Variants in ACOX3 observed in about 807,000 individuals in gnomAD.
ACOX3 encodes the protein acyl-CoA oxidase 3, pristanoyl.
A neutral mutation model predicts 81.5 loss-of-function variants in ACOX3; 73 were observed. The ratio of observed to expected loss-of-function variants is 0.90; its 90% CI spans 0.74 to 1.09. The LOEUF is 1.09. Among genes scored for constraint, ACOX3 ranks in the 50% least tolerant of loss-of-function variants. ACOX3 has a pLI of 0.00. For missense variants in ACOX3, 947 were observed against 928.0 expected, an observed-to-expected ratio of 1.02 and a Z score of -0.27; for synonymous variants, 387 against 375.1, an observed-to-expected ratio of 1.03 and a Z score of -0.37.
In ACOX3 at chr4:8,430,764, G is replaced by A. The variant is rs768843744; in HGVS notation, c.-15+9884C>T. Among the ~76,000 whole-genome samples the A allele has an allele frequency of 3.9e-5, 6 of 152,224 alleles. No individual in the cohort carries two copies. The highest frequency in any genetic ancestry group is 5.9e-5 in the Non-Finnish European group (4 of 68,044). ...CCAGCTACTTGGGAGGCTGAGGCAA[G>A]AGAATCGCCTGAACGCAGGAGGTAG... On this transcript the variant is annotated intron_variant, in intron 1 of 17. Transcript: ENST00000356406. This position sits in a 1 kb window ranked among gnomAD's most constrained non-coding sequence, Gnocchi z 5.2.
At chr4:8,364,876 G>A (rs545876133), downstream of ACOX3, among the ~76,000 whole-genome samples, 1 of 152,326 alleles carries the variant, frequency 6.6e-6, no homozygotes, top group South Asian at 2.1e-4. The surrounding 1 kb of genome is among the most constrained non-coding windows in gnomAD (Gnocchi z 5.0). Flanking sequence ...TGGGAGACAA[G>A]GACAGCTGGG....
At position 8,423,427 on chromosome 4, in the gene ACOX3, C is replaced by G. The variant is rs943472432; in HGVS notation, c.-14-6892G>C. Among the ~76,000 whole-genome samples the G allele has an allele frequency of 2.0e-5, 3 of 152,272 alleles. No homozygotes were observed. In the East Asian group the frequency reaches 5.8e-4, roughly 29 times the overall value. Reference sequence around the variant, plus strand: ...GAATGCCCGTCCCGTTCAAGTTAAACTAAAGGATTCCGCCTCCTTTCCCCA... The same window carrying G: ...GAATGCCCGTCCCGTTCAAGTTAAAGTAAAGGATTCCGCCTCCTTTCCCCA... On this transcript the variant is annotated intron_variant, in intron 1 of 17. Transcript: ENST00000356406. The surrounding 1 kb of genome is among the most constrained non-coding windows in gnomAD (Gnocchi z 4.2).
rs145191853 is a variant in ACOX3 at position 8,431,986 on chromosome 4, C to G, written c.-15+8662G>C. On this transcript the variant is annotated intron_variant, in intron 1 of 17. Transcript: ENST00000356406. The surrounding 1 kb of genome is among the most constrained non-coding windows in gnomAD (Gnocchi z 5.3). ...TGGTTCTGCATTCCCAGAAGAGTGG[C>G]TGGAAGAAGTCACCAGGTCCTTGGG... 2.0e-5 allele frequency among the ~76,000 whole-genome samples: 3 copies of G among 152,146 alleles called. No homozygotes were observed. The highest frequency in any genetic ancestry group is 4.4e-5 in the Non-Finnish European group (3 of 68,024).
At chr4:8,438,017 C>T (rs1490201703) in intron 1 of ACOX3, among the ~76,000 whole-genome samples, 1 of 152,176 alleles carries the variant, frequency 6.6e-6, no homozygotes, top group African/African-American at 2.4e-5. Flanking sequence ...AGAAAAAGAA[C>T]CCCTCCTCTA....
At position 8,440,653 on chromosome 4, in the gene ACOX3, C is replaced by T; in HGVS notation, c.-20G>A. ...ACACAGGTCAAATTCCTCACCCACACACTCCACAGTTCAACCCCTGCCAGG... is the reference window on the plus strand; with the variant it reads ...ACACAGGTCAAATTCCTCACCCACATACTCCACAGTTCAACCCCTGCCAGG... On this transcript the variant is annotated 5_prime_UTR_variant, in exon 1 of 18. The change creates a new upstream start codon in the 5' untranslated region. Coordinates refer to ENST00000356406, the MANE Select transcript of ACOX3 (RefSeq NM_003501.3). 1.3e-6 allele frequency: 1 copy of T among 755,954 alleles called. No homozygotes were observed. The highest frequency in any genetic ancestry group is 2.0e-6 in the Non-Finnish European group (1 of 511,894). The allele number at this position is 755,954 out of a possible 1,614,324, so 46.8% of individuals were successfully genotyped here.
intron 9 of ACOX3, among the ~76,000 whole-genome samples, chr4:8,395,700 C>T (rs185269160): frequency 1.4e-4 from 21 of 150,524 alleles, no homozygotes; most frequent in African/African-American, 5.0e-4. Context: ...GGCCCCAGTG[C>T]GCTCTCTTGA....
rs915388707 is a variant in ACOX3, at chr4:8,405,038, T to C, written c.776+917A>G. Among the ~76,000 whole-genome samples the C allele has an allele frequency of 2.4e-4, 37 of 152,098 alleles. No individual in the cohort carries two copies. The highest frequency in any genetic ancestry group is 7.7e-4 in the African/African-American group (32 of 41,412). On this transcript the variant is annotated intron_variant, in intron 7 of 17. Transcript: ENST00000356406. This position sits in a 1 kb window ranked among gnomAD's most constrained non-coding sequence, Gnocchi z 7.1. Reference sequence around the variant, plus strand: ...GCTCAGGCAGGGCCTGGCAGGGCCCTGGCACAGGGACCTCTCTTGTCACCT... The same window carrying C: ...GCTCAGGCAGGGCCTGGCAGGGCCCCGGCACAGGGACCTCTCTTGTCACCT...
Position 8,419,713 on chromosome 4 carries a change from C to G in ACOX3, c.-14-3178G>C, listed in dbSNP as rs1202448251. 2.0e-5 allele frequency among the ~76,000 whole-genome samples: 3 copies of G among 152,172 alleles called. No homozygotes were observed. On this transcript the variant is annotated intron_variant, in intron 1 of 17. Transcript: ENST00000356406. This position sits in a 1 kb window ranked among gnomAD's most constrained non-coding sequence, Gnocchi z 4.2. ...CCTCCAGACTCGTGAGCTCATTTGG[C>G]AGTCAACGGCAATTCCCCACCTCTC...
At position 8,437,012 on chromosome 4, in the gene ACOX3, C is replaced by CAT. The variant is rs1283491983; in HGVS notation, c.-15+3634_-15+3635dup. 7.6e-4 allele frequency among the ~76,000 whole-genome samples: 105 copies of CAT among 138,138 alleles called. 1 individual carries two copies. The South Asian group carries it at 0.013, about 16-fold the overall frequency. The allele number at this position is 138,138 out of a possible 152,430, so 90.6% of individuals were successfully genotyped here. On this transcript the variant is annotated intron_variant, in intron 1 of 17. Coordinates refer to ENST00000356406, the MANE Select transcript of ACOX3 (RefSeq NM_003501.3). The surrounding 1 kb of genome is among the most constrained non-coding windows in gnomAD (Gnocchi z 5.2). ...ATCTCAAAAAAAAAAAAAAAATCAG[C>CAT]ATATATATATATTCGAAAAAATATA... is the stretch of plus-strand genomic sequence containing the variant.
intron 9 of ACOX3, among the ~76,000 whole-genome samples, chr4:8,396,314 G>A (rs142382958): frequency 6.6e-6 from 1 of 152,298 alleles, no homozygotes; most frequent in Non-Finnish European, 1.5e-5. Context: ...GCCACTACCC[G>A]CCAAGCTGTG....
intron 6 of ACOX3, among the ~76,000 whole-genome samples, chr4:8,408,858 G>A (rs1484451748): frequency 1.4e-5 from 2 of 141,122 alleles, no homozygotes; most frequent in African/African-American, 5.2e-5. Flanking sequence ...CATCCAAAGG[G>A]TTGGGGAGCT....
rs373052958 is a variant in ACOX3, at chr4:8,373,604, G to A, written c.1853C>T (p.Ala618Val). 1.2e-5 allele frequency: 20 copies of A among 1,613,140 alleles called. No homozygotes were observed. Among genetic ancestry groups the A allele is most frequent in the East Asian group, 8.9e-5 (4 of 44,850 alleles). The change falls in exon 16 of 18, where the codon GCG becomes GTG. Residue 618 changes from alanine (A) to valine (V), a missense_variant. Coordinates refer to ENST00000356406, the MANE Select transcript of ACOX3 (RefSeq NM_003501.3). ...GACGGCGCTCTCCAACACTTCTCCC[G>A]CCTGCTCACCGGAGAAGTATCCTCC... Reference protein sequence around the residue: ...YRGGYFSGEQAGEVLESAVLA... With the variant: ...YRGGYFSGEQVGEVLESAVLA...
chr4:8,360,694 A>C, the ACOX3 span, among the ~76,000 whole-genome samples: 1 of 152,096 alleles, frequency 6.6e-6, no homozygotes, highest in Non-Finnish European at 1.5e-5. Context: ...GGATGGTCTC[A>C]ATCTCCTGAC....
In ACOX3 at chr4:8,415,820, C is replaced by T. The variant is rs1432425678; in HGVS notation, c.324G>A (p.Gln108=). The T allele has an allele frequency of 1.2e-6, 2 of 1,613,992 alleles. No homozygotes were observed. The highest frequency in any genetic ancestry group is 2.7e-5 in the African/African-American group (2 of 74,880). ...KSPLKVPALI[Q]CLGMYDSSLA... ...GAGAAGAGTCATACATGCCCAGGCA[C>T]TGAATCAAGGCGGGGACCTTCAGAG... Residue 108 remains glutamine (Q), a synonymous_variant, in exon 3 of 18, where the codon CAG becomes CAA. Coordinates refer to ENST00000356406, the MANE Select transcript of ACOX3 (RefSeq NM_003501.3).
chr4:8,372,603 C>A (rs998603670), intron 16 of ACOX3, among the ~76,000 whole-genome samples: 1 of 152,204 alleles, frequency 6.6e-6, no homozygotes, highest in South Asian at 2.1e-4. Flanking sequence ...TGGCCACATA[C>A]GTGCGCCACA....
Position 8,389,362 on chromosome 4 carries a change from C to A in ACOX3, c.1424-76G>T. 1 of 1,457,828 alleles carries A rather than the reference C, an allele frequency of 6.9e-7. No individual in the cohort carries two copies. Among genetic ancestry groups the A allele is most frequent in the Non-Finnish European group, 9.4e-7 (1 of 1,063,280 alleles). 90.3% of individuals were successfully genotyped at this position (1,457,828 alleles called of 1,614,324 possible). ...TGGGAACCCCAAGCTGGGGGCACCC[C>A]AAAGCACAGAGAGTGTCCAGAGGAC... is the stretch of plus-strand genomic sequence containing the variant. On this transcript the variant is annotated intron_variant, in intron 12 of 17. Transcript: ENST00000356406. This position sits in a 1 kb window ranked among gnomAD's most constrained non-coding sequence, Gnocchi z 5.3.
At position 8,370,244 on chromosome 4, in the gene ACOX3, G is replaced by A. The variant is rs1442219599; in HGVS notation, c.1983+664C>T. Among the ~76,000 whole-genome samples the A allele has an allele frequency of 1.3e-5, 2 of 152,172 alleles. No individual in the cohort carries two copies. Among genetic ancestry groups the A allele is most frequent in the African/African-American group, 4.8e-5 (2 of 41,428 alleles). On this transcript the variant is annotated intron_variant, in intron 17 of 17. Coordinates refer to ENST00000356406, the MANE Select transcript of ACOX3 (RefSeq NM_003501.3). The surrounding 1 kb of genome is among the most constrained non-coding windows in gnomAD (Gnocchi z 6.3). ...GAGGCCAGTAAGGCTAGATCTGGTG[G>A]GCAGGAGGGGAGCGTGGGGTGAAGG...
At chr4:8,375,716 G>A (rs1364581712) in intron 14 of ACOX3, among the ~76,000 whole-genome samples, 1 of 152,182 alleles carries the variant, frequency 6.6e-6, no homozygotes, top group East Asian at 1.9e-4. Context: ...CCATCTTTAT[G>A]TCCATGAGTG....
chr4:8,382,990 C>CTAA lies in ACOX3; in HGVS notation c.1538-1384_1538-1383insTTA, dbSNP rs1717876160. ...TGGGCGACAGAGCGAGACTCCGTCT[C>CTAA]AAAAAAAAAAAAAAAAGAAAAGAAA... On this transcript the variant is annotated intron_variant, in intron 13 of 17. Transcript: ENST00000356406. The surrounding 1 kb of genome is among the most constrained non-coding windows in gnomAD (Gnocchi z 4.1). Among the ~76,000 whole-genome samples the CTAA allele has an allele frequency of 1.4e-5, 1 of 72,114 alleles. No homozygotes were observed. The highest frequency in any genetic ancestry group is 1.5e-4 in the Admixed American group (1 of 6,502). The allele number at this position is 72,114 out of a possible 152,430, so 47.3% of individuals were successfully genotyped here. A position where few individuals can be genotyped will look rare whatever the true frequency, so the allele number is the denominator to read the frequency against.
Sources: allele counts gnomAD v4.1 joint callset (sites outside exome capture counted in the v4.1 genomes callset), GRCh38; gene constraint gnomAD v4.1.1; non-coding constraint Gnocchi (gnomAD v3.1); transcripts MANE v1.5; gene names NCBI Gene and HGNC (gene_info 2026-07-23, HGNC 2026-07-21).